HS6ST3: variants seen among roughly 807,000 people sequenced by gnomAD.
HS6ST3 encodes heparan sulfate 6-O-sulfotransferase 3.
In HS6ST3, 12 loss-of-function variants were observed where a neutral mutation model predicts 36.7. That is an observed-to-expected ratio of 0.33 (90% CI 0.21 to 0.53). The LOEUF (loss-of-function observed/expected upper bound fraction) is 0.53. HS6ST3 is among the 20% of genes least tolerant of loss of function. The pLI is 0.95. For synonymous variants in HS6ST3, 240 were observed against 257.5 expected, an observed-to-expected ratio of 0.93 and a Z score of 0.65; for missense variants, 584 against 640.9, an observed-to-expected ratio of 0.91 and a Z score of 0.96.
intron 1 of HS6ST3, among the ~76,000 whole-genome samples, chr13:96,333,572 A>G (rs1703009129): frequency 1.3e-5 from 2 of 152,192 alleles, no homozygotes; most frequent in Admixed American, 6.5e-5. Context: ...AGCTGCTGAC[A>G]AGCTTTTGGA....
At chr13:96,128,616 C>T (rs796370514) in intron 1 of HS6ST3, among the ~76,000 whole-genome samples, 7 of 152,094 alleles carry the variant, frequency 4.6e-5, no homozygotes, top group Admixed American at 2.6e-4. Flanking sequence ...GGGGCTCATG[C>T]GGGAATTGCA....
intron 1 of HS6ST3, among the ~76,000 whole-genome samples, chr13:96,461,793 C>G (rs1220474306): frequency 6.6e-6 from 1 of 152,160 alleles, no homozygotes; most frequent in African/African-American, 2.4e-5. Flanking sequence ...AAAGGAGGAA[C>G]AGACAGCAAT....
At chr13:96,355,008 A>C (rs1174768738) in intron 1 of HS6ST3, among the ~76,000 whole-genome samples, 1 of 152,084 alleles carries the variant, frequency 6.6e-6, no homozygotes, top group Non-Finnish European at 1.5e-5. Context: ...CTAAACAAAA[A>C]ACTAACCAGC....
chr13:96,223,118 T>C (rs1003439411), intron 1 of HS6ST3, among the ~76,000 whole-genome samples: 2 of 152,244 alleles, frequency 1.3e-5, no homozygotes, highest in African/African-American at 4.8e-5. Context: ...TTGGAATACT[T>C]GGTTTCATGA....
intron 1 of HS6ST3, among the ~76,000 whole-genome samples, chr13:96,383,994 G>T (rs993860014): frequency 1.3e-5 from 2 of 152,178 alleles, no homozygotes; most frequent in Non-Finnish European, 2.9e-5. Context: ...TCACAACAGT[G>T]TGGGAGTGGC....
At chr13:96,565,087 GAATTGGCCACAC>G (rs1188784799) in intron 1 of HS6ST3, among the ~76,000 whole-genome samples, 2 of 151,816 alleles carry the variant, frequency 1.3e-5, no homozygotes, top group African/African-American at 4.8e-5. Flanking sequence ...TTGACATAGT[GAATTGGCCACAC>G]ACATTTATCT....
At chr13:96,335,251 C>G (rs2055094753) in intron 1 of HS6ST3, among the ~76,000 whole-genome samples, 1 of 152,134 alleles carries the variant, frequency 6.6e-6, no homozygotes. Flanking sequence ...TGAGGTGTCC[C>G]AGGAACTCTT....
intron 1 of HS6ST3, among the ~76,000 whole-genome samples, chr13:96,204,515 A>T (rs1324342561): frequency 6.6e-6 from 1 of 151,988 alleles, no homozygotes. Context: ...TATCTACAGA[A>T]CTCTCCACCC....
chr13:96,651,051 C>G (rs2056605570), intron 1 of HS6ST3, among the ~76,000 whole-genome samples: 1 of 151,976 alleles, frequency 6.6e-6, no homozygotes, highest in African/African-American at 2.4e-5. Flanking sequence ...TTTAATACCT[C>G]CCTATTGGCT....
intron 1 of HS6ST3, among the ~76,000 whole-genome samples, chr13:96,389,399 T>TA (rs1230270499): frequency 4.6e-5 from 7 of 152,130 alleles, no homozygotes; most frequent in South Asian, 2.1e-4. Context: ...ATTTAAAAAA[T>TA]AAAAAAACCT....
chr13:96,264,125 C>A (rs1216572877), intron 1 of HS6ST3, among the ~76,000 whole-genome samples: 1 of 152,208 alleles, frequency 6.6e-6, no homozygotes, highest in Non-Finnish European at 1.5e-5. Flanking sequence ...GGAAAACAAA[C>A]TCATGCCTAT....
At chr13:96,712,570 T>G (rs1368524266) in intron 1 of HS6ST3, among the ~76,000 whole-genome samples, 3 of 152,186 alleles carry the variant, frequency 2.0e-5, no homozygotes, top group Non-Finnish European at 2.9e-5. Context: ...AGCACTGCAC[T>G]TTAATGCTTT....
chr13:96,521,278 C>T (rs988183311), intron 1 of HS6ST3, among the ~76,000 whole-genome samples: 6 of 152,086 alleles, frequency 3.9e-5, no homozygotes, highest in African/African-American at 1.4e-4. Context: ...ATTTTCACAT[C>T]GATGTTCATC....
At chr13:96,414,474 C>T (rs535529782) in intron 1 of HS6ST3, among the ~76,000 whole-genome samples, 2 of 152,050 alleles carry the variant, frequency 1.3e-5, no homozygotes, top group Admixed American at 6.6e-5. Context: ...TTTCTTGATT[C>T]GTTTTTCTTT....
chr13:96,629,947 A>AT (rs1043865174), intron 1 of HS6ST3, among the ~76,000 whole-genome samples: 2 of 150,962 alleles, frequency 1.3e-5, no homozygotes, highest in Non-Finnish European at 3.0e-5. Flanking sequence ...TATTTTCAAT[A>AT]TTTTTTTCTC....
intron 1 of HS6ST3, among the ~76,000 whole-genome samples, chr13:96,628,641 T>A (rs1484359999): frequency 6.6e-6 from 1 of 152,114 alleles, no homozygotes; most frequent in Non-Finnish European, 1.5e-5. Flanking sequence ...TTTCAAAGCA[T>A]ATAATTCAAA....
At chr13:96,329,343 A>T (rs1594754778) in intron 1 of HS6ST3, among the ~76,000 whole-genome samples, 1 of 132,228 alleles carries the variant, frequency 7.6e-6, no homozygotes, top group African/African-American at 3.0e-5. Flanking sequence ...CCCTCTACAC[A>T]CTGCTTTGAA....
chr13:96,470,589 C>T (rs967549007), intron 1 of HS6ST3, among the ~76,000 whole-genome samples: 16 of 152,130 alleles, frequency 1.1e-4, no homozygotes, highest in African/African-American at 3.9e-4. Context: ...TATACGCCTC[C>T]CCACTTAGAA....
At chr13:96,580,021 C>G (rs892501509) in intron 1 of HS6ST3, among the ~76,000 whole-genome samples, 1 of 151,938 alleles carries the variant, frequency 6.6e-6, no homozygotes, top group Non-Finnish European at 1.5e-5. Flanking sequence ...TTTTCTTCAA[C>G]TTTTATTTAC....
Sources: allele counts gnomAD v4.1 joint callset (sites outside exome capture counted in the v4.1 genomes callset), GRCh38; gene constraint gnomAD v4.1.1; transcripts MANE v1.5; gene names NCBI Gene and HGNC (gene_info 2026-07-23, HGNC 2026-07-21).